Variants in MAGI2 observed in about 807,000 individuals in gnomAD.
The protein encoded by MAGI2 is membrane associated guanylate kinase, WW and PDZ domain containing 2.
In MAGI2, 35 loss-of-function variants were observed where a neutral mutation model predicts 133.3. The observed-to-expected ratio is 0.26, with a 90% CI of 0.20 to 0.35. The LOEUF (loss-of-function observed/expected upper bound fraction) is 0.35, where lower values mean the gene tolerates loss of function less well. Among genes scored for constraint, MAGI2 ranks in the 10% least tolerant of loss-of-function variants. The pLI, the probability that MAGI2 is intolerant of heterozygous loss-of-function variation, is 1.00. For missense variants in MAGI2, 1,636 were observed against 1,863.4 expected (o/e 0.88, Z 2.25); for synonymous variants, 729 against 710.6 (o/e 1.03, Z -0.41).
intron 1 of MAGI2, among the ~76,000 whole-genome samples, chr7:79,403,371 C>T (rs1001586460): frequency 5.3e-5 from 8 of 151,948 alleles, no homozygotes; most frequent in African/African-American, 1.9e-4. Flanking sequence ...GAATACATGA[C>T]AATTTTCATA....
intron 1 of MAGI2, among the ~76,000 whole-genome samples, chr7:79,039,894 A>G (rs1811498273): frequency 6.8e-6 from 1 of 147,740 alleles, no homozygotes; most frequent in African/African-American, 2.5e-5. Context: ...AATATATACA[A>G]TGAAATATTA....
intron 2 of MAGI2, among the ~76,000 whole-genome samples, chr7:78,804,763 A>ACAAAAACAAACAAAC (rs1554576106): frequency 8.9e-5 from 13 of 146,454 alleles, no homozygotes; most frequent in African/African-American, 3.3e-4. Flanking sequence ...AAAAAAAAAA[A>ACAAAAACAAACAAAC]AAAAAAAAAC....
intron 9 of MAGI2, among the ~76,000 whole-genome samples, chr7:78,342,770 G>A (rs1790521712): frequency 6.6e-6 from 1 of 152,096 alleles, no homozygotes; most frequent in Non-Finnish European, 1.5e-5. Flanking sequence ...GAGAACACAT[G>A]GACACAGGGA....
intron 3 of MAGI2, among the ~76,000 whole-genome samples, chr7:78,605,578 T>A (rs181508876): frequency 6.6e-6 from 1 of 152,118 alleles, no homozygotes; most frequent in African/African-American, 2.4e-5. Flanking sequence ...AACTGCCAAA[T>A]CAAAATATTA....
intron 2 of MAGI2, among the ~76,000 whole-genome samples, chr7:78,963,186 A>G (rs1034867451): frequency 2.6e-5 from 4 of 152,132 alleles, no homozygotes; most frequent in Admixed American, 6.6e-5. Context: ...CTTTTTCACT[A>G]TACTGGCAGA....
At position 78,597,629 on chromosome 7, in the gene MAGI2, T is replaced by C. The variant is rs73378222; in HGVS notation, c.538+29491A>G. ...AAATGGTTTAAATATGGGTAGACTC[T>C]CGAGATACATAAACTGCCCTTATCC... is the stretch of plus-strand genomic sequence containing the variant. On this transcript the variant is annotated intron_variant, in intron 3 of 21. Coordinates refer to ENST00000354212, the MANE Select transcript of MAGI2 (RefSeq NM_012301.4). Among the ~76,000 whole-genome samples the C allele has an allele frequency of 0.015, 2,222 of 152,284 alleles. 91 individuals are homozygous for C. The South Asian group carries it at 0.15, about 11-fold the overall frequency.
At chr7:79,137,453 T>TTTTG (rs1554376819) in intron 1 of MAGI2, among the ~76,000 whole-genome samples, 4 of 149,306 alleles carry the variant, frequency 2.7e-5, no homozygotes, top group Non-Finnish European at 5.9e-5. Flanking sequence ...GTTTTTTGTT[T>TTTTG]TTTTTTTTTT....
intron 2 of MAGI2, among the ~76,000 whole-genome samples, chr7:78,880,357 A>G (rs1476000471): frequency 1.3e-5 from 2 of 152,220 alleles, no homozygotes; most frequent in African/African-American, 4.8e-5. Flanking sequence ...AGGGTACACC[A>G]TCAGATTAAT....
intron 10 of MAGI2, among the ~76,000 whole-genome samples, chr7:78,246,269 C>T (rs1366992158): frequency 6.6e-6 from 1 of 152,150 alleles, no homozygotes; most frequent in Non-Finnish European, 1.5e-5. Flanking sequence ...AGTCATGTCC[C>T]ACCAGTGCCT....
chr7:78,235,801 A>T (rs1189677462), intron 10 of MAGI2, among the ~76,000 whole-genome samples: 3 of 152,132 alleles, frequency 2.0e-5, no homozygotes, highest in Non-Finnish European at 4.4e-5. Flanking sequence ...AAAATAGACG[A>T]TTGTAACTAA....
chr7:79,292,506 C>T (rs1258668642), intron 1 of MAGI2, among the ~76,000 whole-genome samples: 1 of 151,468 alleles, frequency 6.6e-6, no homozygotes, highest in East Asian at 1.9e-4. Context: ...GTGGCATGTG[C>T]CTGTAATCCC....
chr7:78,137,294 C>G (rs79694270), intron 16 of MAGI2, among the ~76,000 whole-genome samples: 2,785 of 152,204 alleles, frequency 0.018, 91 homozygotes, highest in African/African-American at 0.064. Context: ...TACCTAACTT[C>G]TCTGAGTCTG....
intron 1 of MAGI2, among the ~76,000 whole-genome samples, chr7:79,269,165 C>T (rs775042262): frequency 7.9e-5 from 12 of 152,126 alleles, no homozygotes; most frequent in Non-Finnish European, 1.3e-4. Context: ...GCAGTTCTCT[C>T]CGCTTTTTGA....
chr7:78,789,050 G>A (rs1428352605), intron 2 of MAGI2, among the ~76,000 whole-genome samples: 1 of 152,060 alleles, frequency 6.6e-6, no homozygotes. Flanking sequence ...TCAACCCTTT[G>A]TGGGTTTCCT....
intron 21 of MAGI2, among the ~76,000 whole-genome samples, chr7:78,075,109 G>A (rs1312649656): frequency 6.6e-6 from 1 of 152,218 alleles, no homozygotes; most frequent in African/African-American, 2.4e-5. Flanking sequence ...TGGGAGTCTG[G>A]AAGTGTGGTA....
At chr7:78,474,951 TA>T (rs938051170) in intron 6 of MAGI2, among the ~76,000 whole-genome samples, 19 of 151,290 alleles carry the variant, frequency 1.3e-4, no homozygotes, top group Non-Finnish European at 1.0e-4. Flanking sequence ...TGTTGTAAAA[TA>T]AAAAAAAACC....
chr7:78,165,255 G>T (rs550903028), intron 15 of MAGI2, among the ~76,000 whole-genome samples: 8 of 152,096 alleles, frequency 5.3e-5, no homozygotes, highest in Non-Finnish European at 1.2e-4. Flanking sequence ...AGCCTGGGAG[G>T]TTGAGGCTGC....
intron 1 of MAGI2, among the ~76,000 whole-genome samples, chr7:79,015,779 C>T (rs895354714): frequency 6.6e-5 from 10 of 152,116 alleles, no homozygotes; most frequent in African/African-American, 2.4e-4. Context: ...CTGAAATGCA[C>T]AATTTATGGT....
chr7:79,312,293 T>G (rs1361625158), intron 1 of MAGI2, among the ~76,000 whole-genome samples: 1 of 152,152 alleles, frequency 6.6e-6, no homozygotes, highest in African/African-American at 2.4e-5. Flanking sequence ...CACCCACTAT[T>G]ACTCTTTGAT....
Sources: allele counts gnomAD v4.1 joint callset (sites outside exome capture counted in the v4.1 genomes callset), GRCh38; gene constraint gnomAD v4.1.1; transcripts MANE v1.5; gene names NCBI Gene and HGNC (gene_info 2026-07-23, HGNC 2026-07-21).